CRY2: variants seen among roughly 807,000 people sequenced by gnomAD.
CRY2 encodes the protein cryptochrome-2.
CRY2 carries 31 observed loss-of-function variants against 69.5 expected under a neutral mutation model. That is an observed-to-expected ratio of 0.45 (90% CI 0.34 to 0.60). CRY2 has a LOEUF of 0.60. Ranked by LOEUF, CRY2 falls within the 20% of genes least tolerant of loss-of-function variation. CRY2 has a pLI of 0.02. For missense variants in CRY2, 606 were observed against 797.8 expected (o/e 0.76, Z 2.90); for synonymous variants, 303 against 312.2 (o/e 0.97, Z 0.31).
intron 5 of CRY2, among the ~76,000 whole-genome samples, chr11:45,863,583 C>T (rs2086305911): frequency 6.6e-6 from 1 of 150,960 alleles, no homozygotes; most frequent in Admixed American, 6.6e-5. Flanking sequence ...TTCTCCAAAT[C>T]TGAAGGGAGC....
chr11:45,851,425 T>C (rs1457211774), intron 1 of CRY2, among the ~76,000 whole-genome samples: 1 of 152,136 alleles, frequency 6.6e-6, no homozygotes, highest in African/African-American at 2.4e-5. Context: ...CAAGTGTGTC[T>C]CTCTTCCCAG....
intron 1 of CRY2, among the ~76,000 whole-genome samples, chr11:45,850,992 A>C (rs2134626930): frequency 6.6e-6 from 1 of 152,082 alleles, no homozygotes; most frequent in Non-Finnish European, 1.5e-5. Flanking sequence ...GATGGTGGGA[A>C]GTTTACGGGC....
At chr11:45,848,346 C>CAG (rs2086169207) in intron 1 of CRY2, among the ~76,000 whole-genome samples, 2 of 152,136 alleles carry the variant, frequency 1.3e-5, no homozygotes, top group South Asian at 4.1e-4. Flanking sequence ...TTCAAAGCTC[C>CAG]AGAGAATCCA....
chr11:45,871,982 T>C, intron 10 of CRY2, 110 bp from the exon 11 acceptor site: 1 of 1,426,884 alleles, frequency 7.0e-7, no homozygotes, highest in Non-Finnish European at 9.6e-7. Flanking sequence ...CATGCTGGCA[T>C]TCCATTGATA....
At chr11:45,878,604 A>G (rs1340081653) in intron 11 of CRY2, among the ~76,000 whole-genome samples, 4 of 152,184 alleles carry the variant, frequency 2.6e-5, no homozygotes, top group African/African-American at 9.7e-5. Flanking sequence ...GGGAAAAATT[A>G]TTGAAAATAA....
chr11:45,870,004 A>AG, intron 7 of CRY2, 49 bp from the exon 8 acceptor site: 1 of 1,545,304 alleles, frequency 6.5e-7, no homozygotes, highest in Non-Finnish European at 8.7e-7. Flanking sequence ...TTGGGAAAAA[A>AG]CATGGCTGCA....
At chr11:45,848,959 C>T (rs773525529) in intron 1 of CRY2, among the ~76,000 whole-genome samples, 8 of 152,140 alleles carry the variant, frequency 5.3e-5, no homozygotes, top group Non-Finnish European at 8.8e-5. Flanking sequence ...CTCCAGTTTT[C>T]TACAGATAGG....
chr11:45,873,451 T>C (rs1449407700), intron 11 of CRY2, among the ~76,000 whole-genome samples: 1 of 152,208 alleles, frequency 6.6e-6, no homozygotes, highest in Admixed American at 6.5e-5. Context: ...AACCTACTAC[T>C]CTCTCAGTTA....
At position 45,847,721 on chromosome 11, in the gene CRY2, G is replaced by A; in HGVS notation, c.215+16G>A. Reference sequence around the variant, plus strand: ...ACCGATGGAGGTGAGGGGACCCGGGGCTGGGTGGCGGGGACGCAGCCAGGA... The same window carrying A: ...ACCGATGGAGGTGAGGGGACCCGGGACTGGGTGGCGGGGACGCAGCCAGGA... On this transcript the variant is annotated intron_variant, in intron 1 of 11. Transcript: ENST00000616080. 6.5e-7 allele frequency: 1 copy of A among 1,543,642 alleles called. No individual in the cohort carries two copies. Among genetic ancestry groups the A allele is most frequent in the Non-Finnish European group, 8.7e-7 (1 of 1,142,876 alleles).
At chr11:45,872,992 A>G (rs1382483360) in intron 11 of CRY2, among the ~76,000 whole-genome samples, 1 of 152,158 alleles carries the variant, frequency 6.6e-6, no homozygotes, top group East Asian at 1.9e-4. Flanking sequence ...CCAGTCTGTC[A>G]TCATCTTTGC....
intron 4 of CRY2, 165 bp from the exon 5 acceptor site, chr11:45,861,895 A>G (rs907166241): frequency 1.6e-5 from 10 of 626,938 alleles, no homozygotes; most frequent in Non-Finnish European, 2.5e-5. Context: ...TGGGAAGAGA[A>G]CCAAGTTGAC....
chr11:45,879,818 CT>C (rs1224460662), intron 11 of CRY2, among the ~76,000 whole-genome samples: 1 of 152,204 alleles, frequency 6.6e-6, no homozygotes, highest in Non-Finnish European at 1.5e-5. Flanking sequence ...GGCTGGAAGT[CT>C]AAGATCAAAA....
At chr11:45,867,521 C>A in intron 5 of CRY2, 91 bp from the exon 6 acceptor site, 1 of 1,534,958 alleles carries the variant, frequency 6.5e-7, no homozygotes, top group Non-Finnish European at 8.9e-7. Flanking sequence ...GTTCTGTGAC[C>A]GTAGGCAGAT....
intron 1 of CRY2, 42 bp downstream of exon 1, chr11:45,847,747 C>A (rs1274211589): frequency 1.3e-6 from 2 of 1,515,720 alleles, no homozygotes; most frequent in Non-Finnish European, 1.8e-6. Context: ...GCAGCCAGGA[C>A]CCTGACCCTG....
At chr11:45,858,996 C>T (rs2086264878) in intron 3 of CRY2, 123 bp downstream of exon 3, 10 of 1,230,808 alleles carry the variant, frequency 8.1e-6, no homozygotes, top group Non-Finnish European at 1.1e-5. Flanking sequence ...ATGGCATCTT[C>T]TAGAAGCTGG....
At chr11:45,860,520 G>A (rs533614494) in intron 3 of CRY2, among the ~76,000 whole-genome samples, 6 of 152,250 alleles carry the variant, frequency 3.9e-5, no homozygotes, top group Admixed American at 2.0e-4. Context: ...GGCTAGTAGG[G>A]ATTTTTCTGT....
Position 45,862,122 on chromosome 11 carries a change from C to T in CRY2, c.715C>T (p.Arg239Cys), listed in dbSNP as rs761810397. 9 of 1,613,748 alleles carry T rather than the reference C, an allele frequency of 5.6e-6. No individual in the cohort carries two copies. Among genetic ancestry groups the T allele is most frequent in the African/African-American group, 4.0e-5 (3 of 74,868 alleles). Residue 239 changes from arginine to cysteine, a missense_variant, in exon 5 of 12, where the codon CGC (arginine) becomes TGC (cysteine). By Grantham distance (180) the Arg-to-Cys change is radical. Around this residue, in one of 5 missense-constraint regions of CRY2, gnomAD observed 382 missense variants for 508.9 expected, o/e 0.75. Transcript: ENST00000616080. Reference sequence around the variant, plus strand: ...GGGAGGAGAGACAGAAGCTCTGGCCCGCCTGGATAAGCACTTGGAACGGAA... The same window carrying T: ...GGGAGGAGAGACAGAAGCTCTGGCCTGCCTGGATAAGCACTTGGAACGGAA... ...WQGGETEALARLDKHLERKAW... is the reference protein window; with the variant it reads ...WQGGETEALACLDKHLERKAW...
intron 1 of CRY2, among the ~76,000 whole-genome samples, 175 bp from the exon 2 acceptor site, chr11:45,855,807 C>G (rs749900079): frequency 6.6e-6 from 1 of 152,208 alleles, no homozygotes; most frequent in Admixed American, 6.5e-5. Context: ...TGAAGCAGAG[C>G]AGCGCTGATC....
chr11:45,862,279 C>A, intron 5 of CRY2, 131 bp downstream of exon 5: 1 of 756,640 alleles, frequency 1.3e-6, no homozygotes, highest in Non-Finnish European at 2.1e-6. Flanking sequence ...TCCTATCCTC[C>A]TGATGGCCAT....
Sources: gnomAD v4.1 joint callset for allele counts (sites outside exome capture counted in the v4.1 genomes callset) on GRCh38, gnomAD v4.1.1 for gene constraint, gnomAD v4.1.1 regional missense constraint, MANE v1.5 for transcripts, NCBI Gene and HGNC (gene_info 2026-07-23, HGNC 2026-07-21) for gene names.